ABI2: variants seen among roughly 807,000 people sequenced by gnomAD.
ABI2 encodes the protein abl interactor 2.
In ABI2, 25 loss-of-function variants were observed where a neutral mutation model predicts 59.2. That is an observed-to-expected ratio of 0.42 (90% confidence interval 0.31 to 0.59). ABI2 has a LOEUF of 0.59. ABI2 is among the 20% of genes least tolerant of loss of function. The pLI is 0.14. For synonymous variants in ABI2, 213 were observed against 235.5 expected (o/e 0.90, Z 0.87); for missense variants, 545 against 681.8 (o/e 0.80, Z 2.23).
chr2:203,428,306 A>G lies in ABI2; in HGVS notation c.*954A>G, dbSNP rs2098456974. 1 of 152,372 alleles carries G rather than the reference A, an allele frequency of 6.6e-6. No homozygotes were observed. The highest frequency in any genetic ancestry group is 1.5e-5 in the Non-Finnish European group (1 of 67,986). 9.4% of individuals were successfully genotyped at this position (152,372 alleles called of 1,614,324 possible). A position where few individuals can be genotyped will look rare whatever the true frequency, so the allele number is the denominator to read the frequency against. ...ATCATTTCCTTCACTATCTAGAAAA[A>G]CGCTATTCTACTTTGGAAGAGAATA... On this transcript the variant is annotated 3_prime_UTR_variant, in exon 12 of 12. Transcript: ENST00000261018.
chr2:203,338,461 G>A (rs1007819361), intron 1 of ABI2, among the ~76,000 whole-genome samples: 1 of 152,012 alleles, frequency 6.6e-6, no homozygotes, highest in Non-Finnish European at 1.5e-5. Flanking sequence ...GTGAGTTCTT[G>A]CTTGGTTCAC....
chr2:203,420,055 G>A (rs1426183297), intron 11 of ABI2, among the ~76,000 whole-genome samples: 1 of 152,164 alleles, frequency 6.6e-6, no homozygotes, highest in Non-Finnish European at 1.5e-5. Context: ...ATAAAAAGAA[G>A]CCTAGGAAAG....
chr2:203,376,535 A>T (rs1039024135), intron 2 of ABI2, among the ~76,000 whole-genome samples: 2 of 152,228 alleles, frequency 1.3e-5, no homozygotes, highest in African/African-American at 2.4e-5. Flanking sequence ...AAAAGCAACA[A>T]CAAATATATT....
chr2:203,331,415 C>T (rs577599225), intron 1 of ABI2, among the ~76,000 whole-genome samples: 11 of 121,488 alleles, frequency 9.1e-5, no homozygotes, highest in Non-Finnish European at 1.4e-4. Flanking sequence ...TGTAGTGGCG[C>T]GATCTCGATC....
Position 203,391,547 on chromosome 2 carries a change from C to T in ABI2, c.578+404C>T, listed in dbSNP as rs556742206. Among the ~76,000 whole-genome samples the T allele has an allele frequency of 3.0e-4, 45 of 152,232 alleles. 1 individual carries two copies. Among genetic ancestry groups the T allele is most frequent in the Admixed American group, 2.6e-3 (39 of 15,286 alleles). On this transcript the variant is annotated intron_variant, in intron 5 of 11. Transcript: ENST00000261018. Reference sequence around the variant, plus strand: ...TTGAGCTTCAGGCCAGGTGTGTTGGCTCATGCCTGTAATTCCCAAAGTGGG... The same window carrying T: ...TTGAGCTTCAGGCCAGGTGTGTTGGTTCATGCCTGTAATTCCCAAAGTGGG...
chr2:203,396,808 C>T lies in ABI2; in HGVS notation c.874C>T (p.Pro292Ser). Residue 292 changes from proline (P) to serine (S), a missense_variant, in exon 8 of 12, where the codon CCT becomes TCT. Transcript: ENST00000261018. ...AGCCCCTGCTGGCTCTGCTGGCACT[C>T]CTCCCCTTCCTGCTACTTCTGCATC... ...FPAPAGSAGT[P>S]PLPATSASAP... is the part of the protein sequence containing the mutation. 2 of 1,532,478 alleles carry T rather than the reference C, an allele frequency of 1.3e-6. No individual in the cohort carries two copies. The highest frequency in any genetic ancestry group is 1.7e-6 in the Non-Finnish European group (2 of 1,145,452). The allele number at this position is 1,532,478 out of a possible 1,614,324, so 94.9% of individuals were successfully genotyped here. A position where few individuals can be genotyped will look rare whatever the true frequency, so the allele number is the denominator to read the frequency against.
chr2:203,368,339 C>G (rs1480030653), intron 2 of ABI2, among the ~76,000 whole-genome samples: 1 of 151,968 alleles, frequency 6.6e-6, no homozygotes, highest in African/African-American at 2.4e-5. Flanking sequence ...TTTTAGCACT[C>G]TTGTCATTTG....
At chr2:203,358,899 C>T (rs2092875381) in intron 1 of ABI2, among the ~76,000 whole-genome samples, 1 of 152,218 alleles carries the variant, frequency 6.6e-6, no homozygotes. Flanking sequence ...GTAATCTTAG[C>T]TGCTCCGGAG....
chr2:203,391,447 T>C (rs2096738451), intron 5 of ABI2, among the ~76,000 whole-genome samples: 1 of 152,212 alleles, frequency 6.6e-6, no homozygotes, highest in Non-Finnish European at 1.5e-5. Flanking sequence ...ATATAGTCTT[T>C]TATATTACAG....
chr2:203,380,329 A>G lies in ABI2; in HGVS notation c.407A>G (p.Tyr136Cys), dbSNP rs2096030893. 1 of 1,606,982 alleles carries G rather than the reference A, an allele frequency of 6.2e-7. No homozygotes were observed. The highest frequency in any genetic ancestry group is 2.3e-5 in the East Asian group (1 of 44,404). The stretch of plus-strand genomic sequence containing the variant: ...GCCAACCTTGAACGACCAGTTCGTT[A>G]TATTAGAAAACCTATTGACTATACA... ...APANLERPVR[Y>C]IRKPIDYTIL... The change falls in exon 3 of 12, where the codon TAT (tyrosine) becomes TGT (cysteine). Residue 136 changes from tyrosine to cysteine, a missense_variant. Transcript: ENST00000261018.
chr2:203,417,133 A>G, intron 11 of ABI2, 52 bp downstream of exon 11: 4 of 1,457,660 alleles, frequency 2.7e-6, no homozygotes, highest in Non-Finnish European at 3.7e-6. Flanking sequence ...CTACATAGAA[A>G]TGAAATTTGC....
At chr2:203,362,685 C>T (rs1044623403) in intron 1 of ABI2, among the ~76,000 whole-genome samples, 59 of 152,038 alleles carry the variant, frequency 3.9e-4, no homozygotes, top group Middle Eastern at 3.4e-3. Flanking sequence ...GGCCACCGTG[C>T]CTGGCTAATT....
chr2:203,330,463 A>G (rs2152268435), intron 1 of ABI2, among the ~76,000 whole-genome samples: 1 of 151,986 alleles, frequency 6.6e-6, no homozygotes, highest in Non-Finnish European at 1.5e-5. Context: ...ATGGCCTAGA[A>G]CTGTGTGAGG....
intron 1 of ABI2, among the ~76,000 whole-genome samples, chr2:203,343,112 C>G (rs2080999423): frequency 6.6e-6 from 1 of 152,172 alleles, no homozygotes; most frequent in South Asian, 2.1e-4. Flanking sequence ...AAACTAAAAG[C>G]AAGCACCTGG....
intron 1 of ABI2, among the ~76,000 whole-genome samples, chr2:203,365,827 C>T (rs2094355322): frequency 2.6e-5 from 4 of 151,834 alleles, no homozygotes; most frequent in Admixed American, 2.6e-4. Flanking sequence ...GACGGGGTTT[C>T]ACCGTGTTAG....
At chr2:203,334,912 C>T (rs1248642301) in intron 1 of ABI2, among the ~76,000 whole-genome samples, 2 of 152,122 alleles carry the variant, frequency 1.3e-5, no homozygotes, top group African/African-American at 4.8e-5. Flanking sequence ...CCGCCCGCCT[C>T]GGCCTCCCAA....
At chr2:203,342,144 C>T (rs549779351) in intron 1 of ABI2, 1 of 448,366 alleles carries the variant, frequency 2.2e-6, no homozygotes, top group Non-Finnish European at 4.5e-6. Context: ...ACTTATGACT[C>T]ACACCATTTA....
At chr2:203,367,467 A>G (rs745580953) in intron 2 of ABI2, 1 of 151,518 alleles carries the variant, frequency 6.6e-6, no homozygotes, top group Non-Finnish European at 1.5e-5. Context: ...CAATAATGGA[A>G]AGACTAGCAA....
rs750379504 is a variant in ABI2, at chr2:203,395,448, T to TATACACACACACAC, written c.726-207_726-206insTACACACACACACA. On this transcript the variant is annotated intron_variant, in intron 6 of 11. Transcript: ENST00000261018. ...TAATAAGTAAATATATATATATATA[T>TATACACACACACAC]ACACACACACACACACACACACACA... Among the ~76,000 whole-genome samples, 653 of 115,298 alleles carry TATACACACACACAC rather than the reference T, an allele frequency of 5.7e-3. 6 individuals carry two copies. Among genetic ancestry groups the TATACACACACACAC allele is most frequent in the South Asian group, 8.6e-3 (26 of 3,016 alleles). The allele number at this position is 115,298 out of a possible 152,430, so 75.6% of individuals were successfully genotyped here. A position where few individuals can be genotyped will look rare whatever the true frequency, so the allele number is the denominator to read the frequency against.
Sources: allele counts gnomAD v4.1 joint callset (sites outside exome capture counted in the v4.1 genomes callset), GRCh38; gene constraint gnomAD v4.1.1; transcripts MANE v1.5; gene names NCBI Gene and HGNC (gene_info 2026-07-23, HGNC 2026-07-21).